Variants in AP3B1 observed in about 807,000 individuals in gnomAD.
AP3B1 encodes the protein AP-3 complex subunit beta-1.
AP3B1 carries 61 observed loss-of-function variants against 132.5 expected under a neutral mutation model. The observed-to-expected ratio is 0.46, with a 90% CI of 0.37 to 0.57. The LOEUF (loss-of-function observed/expected upper bound fraction) is 0.57, where lower values mean the gene tolerates loss of function less well. Ranked by LOEUF, AP3B1 falls within the 20% of genes least tolerant of loss-of-function variation. AP3B1 has a pLI of 0.00. For synonymous variants in AP3B1, 388 were observed against 438.3 expected, an observed-to-expected ratio of 0.89 and a Z score of 1.43; for missense variants, 1,120 against 1,289.4, an observed-to-expected ratio of 0.87 and a Z score of 2.01.
chr5:78,115,249 A>C (rs1751773461), intron 18 of AP3B1, among the ~76,000 whole-genome samples: 1 of 152,224 alleles, frequency 6.6e-6, no homozygotes, highest in African/African-American at 2.4e-5. Flanking sequence ...ACTAAAAACA[A>C]AGATTTTTGA....
At chr5:78,174,554 T>C (rs957456667) in intron 11 of AP3B1, among the ~76,000 whole-genome samples, 1 of 152,232 alleles carries the variant, frequency 6.6e-6, no homozygotes, top group African/African-American at 2.4e-5. Context: ...CAGCAAATAC[T>C]GTAGAACAGC....
chr5:78,025,368 G>C (rs1272220047), intron 24 of AP3B1, among the ~76,000 whole-genome samples: 1 of 152,184 alleles, frequency 6.6e-6, no homozygotes, highest in East Asian at 1.9e-4. Flanking sequence ...TGAATGTCTA[G>C]CTGCTTGCAG....
At chr5:78,223,106 C>G (rs1431216139) in intron 6 of AP3B1, among the ~76,000 whole-genome samples, 1 of 149,300 alleles carries the variant, frequency 6.7e-6, no homozygotes, top group Non-Finnish European at 1.5e-5. Flanking sequence ...GCAATCCATC[C>G]ACCTTGGCCT....
At chr5:78,144,945 C>G (rs573894941) in intron 14 of AP3B1, among the ~76,000 whole-genome samples, 1 of 152,016 alleles carries the variant, frequency 6.6e-6, no homozygotes, top group South Asian at 2.1e-4. Context: ...GCAATCCTCC[C>G]GCCTCAGCCT....
At chr5:78,259,828 G>A (rs1298951553) in intron 2 of AP3B1, among the ~76,000 whole-genome samples, 1 of 152,012 alleles carries the variant, frequency 6.6e-6, no homozygotes, top group East Asian at 1.9e-4. Flanking sequence ...AAATTGGCTG[G>A]GTGTGGTGGT....
intron 24 of AP3B1, among the ~76,000 whole-genome samples, chr5:78,025,457 C>T (rs185325128): frequency 1.3e-3 from 205 of 152,290 alleles, no homozygotes; most frequent in African/African-American, 4.6e-3. Context: ...ACATATTTTT[C>T]GGCCTCTCTT....
Position 78,142,435 on chromosome 5 carries a change from G to A in AP3B1, c.1474-1116C>T, listed in dbSNP as rs189267737. Among the ~76,000 whole-genome samples the A allele has an allele frequency of 6.6e-5, 10 of 152,228 alleles. No homozygotes were observed. In the East Asian group the frequency reaches 1.7e-3, roughly 26 times the overall value. On this transcript the variant is annotated intron_variant, in intron 14 of 26. Transcript: ENST00000255194. ...AGCTATCATTAAAAGGTGGCATCAC[G>A]AGGAAAGATAATGTTCTTTTTATGA...
intron 1 of AP3B1, among the ~76,000 whole-genome samples, chr5:78,286,722 A>T (rs1008189546): frequency 6.6e-6 from 1 of 152,236 alleles, no homozygotes; most frequent in African/African-American, 2.4e-5. Context: ...GCTGAATTAA[A>T]GACAGTGGAC....
intron 22 of AP3B1, among the ~76,000 whole-genome samples, chr5:78,086,366 C>CA (rs1750251615): frequency 6.6e-6 from 1 of 152,160 alleles, no homozygotes; most frequent in Non-Finnish European, 1.5e-5. Context: ...CAGGTACTGT[C>CA]ATAAACATTT....
chr5:78,176,568 T>A (rs1320750179), intron 9 of AP3B1, among the ~76,000 whole-genome samples: 5 of 152,156 alleles, frequency 3.3e-5, no homozygotes. Context: ...TGTTTCAAAT[T>A]AAAACAACTA....
At chr5:78,285,877 C>A (rs1235153310) in intron 1 of AP3B1, among the ~76,000 whole-genome samples, 1 of 152,160 alleles carries the variant, frequency 6.6e-6, no homozygotes. Flanking sequence ...CCAATCGGAT[C>A]ACCTTCTCTT....
chr5:78,086,268 G>A (rs1329219704), intron 22 of AP3B1, among the ~76,000 whole-genome samples: 1 of 152,086 alleles, frequency 6.6e-6, no homozygotes, highest in African/African-American at 2.4e-5. Flanking sequence ...GTTTTCTTGG[G>A]TCACACTTCA....
chr5:78,026,239 G>C (rs928199866), intron 24 of AP3B1, among the ~76,000 whole-genome samples: 2 of 152,146 alleles, frequency 1.3e-5, no homozygotes, highest in Admixed American at 1.3e-4. Flanking sequence ...ACTATTATTA[G>C]GGTAGCTTTA....
intron 1 of AP3B1, among the ~76,000 whole-genome samples, chr5:78,286,793 T>G (rs1749300599): frequency 6.6e-6 from 1 of 152,188 alleles, no homozygotes; most frequent in Admixed American, 6.5e-5. Flanking sequence ...AAACAGATAT[T>G]GGCTATAAAC....
rs574539965 is a variant in AP3B1, at chr5:78,166,186, G to A, written c.1168-514C>T. 2.3e-4 allele frequency among the ~76,000 whole-genome samples: 35 copies of A among 149,356 alleles called. 1 individual carries two copies. In the South Asian group the frequency reaches 6.6e-3, roughly 28 times the overall value. On this transcript the variant is annotated intron_variant, in intron 11 of 26. Coordinates refer to ENST00000255194, the MANE Select transcript of AP3B1 (RefSeq NM_003664.5). ...ACACACACACACAAATCATATTGTC[G>A]CCAATGTGGTAAGGCATTATACCCT...
At chr5:78,130,634 A>C (rs1397145720) in intron 15 of AP3B1, among the ~76,000 whole-genome samples, 1 of 152,050 alleles carries the variant, frequency 6.6e-6, no homozygotes, top group Non-Finnish European at 1.5e-5. Context: ...TTTTTAAGAC[A>C]ATTTGCAAAG....
chr5:78,092,149 T>G (rs563376396), intron 21 of AP3B1, among the ~76,000 whole-genome samples: 1 of 152,348 alleles, frequency 6.6e-6, no homozygotes, highest in Non-Finnish European at 1.5e-5. Flanking sequence ...CCACCATCTG[T>G]CCTTTCAAAA....
intron 7 of AP3B1, among the ~76,000 whole-genome samples, chr5:78,194,178 C>G (rs574921477): frequency 6.6e-6 from 1 of 151,990 alleles, no homozygotes; most frequent in Non-Finnish European, 1.5e-5. Flanking sequence ...TGTTATGAAG[C>G]CTTTAAATAT....
At chr5:78,150,512 G>A (rs1456334052) in intron 14 of AP3B1, among the ~76,000 whole-genome samples, 1 of 151,986 alleles carries the variant, frequency 6.6e-6, no homozygotes, top group Non-Finnish European at 1.5e-5. Context: ...GTTGCAGATA[G>A]TTCTTTCAAA....
Sources: allele counts gnomAD v4.1 joint callset (sites outside exome capture counted in the v4.1 genomes callset), GRCh38; gene constraint gnomAD v4.1.1; transcripts MANE v1.5; gene names NCBI Gene and HGNC (gene_info 2026-07-23, HGNC 2026-07-21).